The following HMCN1 variants were observed in gnomAD, a reference collection of about 807,000 sequenced individuals.
HMCN1 encodes hemicentin-1.
Under a neutral mutation model 625.9 loss-of-function variants are expected in HMCN1, and 321 were observed. The observed-to-expected ratio is 0.51, with a 90% confidence interval of 0.47 to 0.56. The LOEUF (loss-of-function observed/expected upper bound fraction) is 0.56. HMCN1 is among the 20% of genes least tolerant of loss of function. The pLI is 0.00. For synonymous variants in HMCN1, 2,425 were observed against 2,417.6 expected, an observed-to-expected ratio of 1.00 and a Z score of -0.09; for missense variants, 6,588 against 6,887.3, an observed-to-expected ratio of 0.96 and a Z score of 1.54.
chr1:186,098,447 A>G (rs983621285), intron 68 of HMCN1, among the ~76,000 whole-genome samples: 1 of 152,198 alleles, frequency 6.6e-6, no homozygotes, highest in East Asian at 1.9e-4. Flanking sequence ...AAGCCTCAAC[A>G]TTACTAATCA....
At chr1:185,871,799 G>A (rs1663637931) in intron 4 of HMCN1, among the ~76,000 whole-genome samples, 1 of 152,196 alleles carries the variant, frequency 6.6e-6, no homozygotes, top group Non-Finnish European at 1.5e-5. Context: ...GCCTCTTCCC[G>A]CTATTTTGGC....
chr1:185,791,057 A>C (rs1386678887), intron 1 of HMCN1, among the ~76,000 whole-genome samples: 1 of 152,072 alleles, frequency 6.6e-6, no homozygotes, highest in East Asian at 1.9e-4. Flanking sequence ...TGTACCTAAA[A>C]ATTTCCTACT....
In HMCN1 at chr1:185,995,102, A is replaced by C. The variant is rs770424077; in HGVS notation, c.3778+15A>C. On this transcript the variant is annotated intron_variant, in intron 24 of 106. Transcript: ENST00000271588. ...ACATGTCCAAGGTGATTCTTGACACAGGAAAATATATGTATGTAGGGTGGG... is the reference window on the plus strand; with the variant it reads ...ACATGTCCAAGGTGATTCTTGACACCGGAAAATATATGTATGTAGGGTGGG... The C allele has an allele frequency of 1.2e-6, 2 of 1,611,694 alleles. No homozygotes were observed. Among genetic ancestry groups the C allele is most frequent in the East Asian group, 4.5e-5 (2 of 44,848 alleles).
At chr1:186,156,517 G>A (rs1004707160) in intron 97 of HMCN1, among the ~76,000 whole-genome samples, 13 of 152,128 alleles carry the variant, frequency 8.5e-5, no homozygotes, top group Non-Finnish European at 1.9e-4. Context: ...GTATTACAGA[G>A]GTATGGGGAA....
intron 26 of HMCN1, 152 bp from the exon 27 acceptor site, chr1:186,001,146 T>A (rs994196257): frequency 1.5e-6 from 1 of 665,214 alleles, no homozygotes; most frequent in Non-Finnish European, 2.5e-6. Context: ...GTCAAAACTT[T>A]TTAATTTTAT....
rs551225100 is a variant in HMCN1 at position 186,040,418 on chromosome 1, A to G, written c.6180+539A>G. Reference sequence around the variant, plus strand: ...CAAAATTAAAAATATAGAAATGCGTATATACCTAATATAAAGTTTAATTTT... The same window carrying G: ...CAAAATTAAAAATATAGAAATGCGTGTATACCTAATATAAAGTTTAATTTT... On this transcript the variant is annotated intron_variant, in intron 39 of 106. Coordinates refer to ENST00000271588, the MANE Select transcript of HMCN1 (RefSeq NM_031935.3). Among the ~76,000 whole-genome samples the G allele has an allele frequency of 7.4e-4, 112 of 152,298 alleles. 2 individuals are homozygous for G. The highest frequency in any genetic ancestry group is 6.8e-3 in the Middle Eastern group (2 of 294).
chr1:186,018,034 C>T (rs547029142), intron 33 of HMCN1, 149 bp from the exon 34 acceptor site: 1 of 737,652 alleles, frequency 1.4e-6, no homozygotes, highest in Admixed American at 2.4e-5. Context: ...GGCCGGGTTT[C>T]CTTTTTGCTT....
chr1:185,893,141 G>A (rs1393021054), intron 4 of HMCN1, among the ~76,000 whole-genome samples: 1 of 152,232 alleles, frequency 6.6e-6, no homozygotes, highest in East Asian at 1.9e-4. Flanking sequence ...CACTTCCTGA[G>A]TGAGGCAATG....
chr1:186,087,924 T>A lies in HMCN1; in HGVS notation c.9364-8T>A. On this transcript the variant is annotated splice_region_variant and splice_polypyrimidine_tract_variant and intron_variant, in intron 60 of 106. Transcript: ENST00000271588. ...TGGAGCACATACAATAGTATCTTTTTCTTTTAGGTATCTGACACAGGCCAG... is the reference window on the plus strand; with the variant it reads ...TGGAGCACATACAATAGTATCTTTTACTTTTAGGTATCTGACACAGGCCAG... 6.2e-7 allele frequency: 1 copy of A among 1,609,474 alleles called. No individual in the cohort carries two copies. The highest frequency in any genetic ancestry group is 8.5e-7 in the Non-Finnish European group (1 of 1,176,138).
intron 4 of HMCN1, among the ~76,000 whole-genome samples, chr1:185,906,740 A>G (rs1430476531): frequency 6.6e-6 from 1 of 151,666 alleles, no homozygotes; most frequent in Non-Finnish European, 1.5e-5. Context: ...TCTTGCTGGT[A>G]CTTGTTTTCT....
intron 14 of HMCN1, among the ~76,000 whole-genome samples, chr1:185,967,669 T>C (rs1650512940): frequency 6.6e-6 from 1 of 151,156 alleles, no homozygotes; most frequent in African/African-American, 2.4e-5. Flanking sequence ...GAATGCAAAC[T>C]GGCCTCAAAA....
rs1658429835 is a variant in HMCN1 at position 186,070,754 on chromosome 1, A to G, written c.8136A>G (p.Gly2712=). ...PSASLSWYKD[G]QPLKSDDHVN... ...CCTCCCTCAGCTGGTACAAGGATGGACAGGCCAGTCACAACTTTTTTCATT... is the reference window on the plus strand; with the variant it reads ...CCTCCCTCAGCTGGTACAAGGATGGGCAGGCCAGTCACAACTTTTTTCATT... The change falls in exon 52 of 107, where the codon GGA becomes GGG. Residue 2712 remains glycine (G), a synonymous_variant. Coordinates refer to ENST00000271588, the MANE Select transcript of HMCN1 (RefSeq NM_031935.3). 6.2e-7 allele frequency: 1 copy of G among 1,613,698 alleles called. No individual in the cohort carries two copies. The highest frequency in any genetic ancestry group is 8.5e-7 in the Non-Finnish European group (1 of 1,179,782).
intron 11 of HMCN1, among the ~76,000 whole-genome samples, chr1:185,947,069 T>G (rs1668385792): frequency 1.3e-5 from 2 of 152,112 alleles, no homozygotes; most frequent in Non-Finnish European, 2.9e-5. Context: ...GCAGGGGTTG[T>G]GGGGGGCGGG....
At chr1:186,032,716 A>G (rs1379836655) in intron 36 of HMCN1, among the ~76,000 whole-genome samples, 1 of 152,026 alleles carries the variant, frequency 6.6e-6, no homozygotes, top group Non-Finnish European at 1.5e-5. Flanking sequence ...CAGCATGAGA[A>G]CGAACTAACA....
At chr1:185,909,568 T>C (rs1666300142) in intron 5 of HMCN1, 60 bp downstream of exon 5, 1 of 1,430,986 alleles carries the variant, frequency 7.0e-7, no homozygotes, top group Non-Finnish European at 9.8e-7. Flanking sequence ...AAAATACTTT[T>C]CACACACTTG....
chr1:185,895,875 T>C lies in HMCN1; in HGVS notation c.622-13462T>C, dbSNP rs79258961. 8.3e-3 allele frequency among the ~76,000 whole-genome samples: 1,258 copies of C among 152,312 alleles called. 14 individuals carry two copies. Among genetic ancestry groups the C allele is most frequent in the African/African-American group, 0.029 (1,195 of 41,550 alleles). ...AAGACACTGATTAATTCATAACTTA[T>C]AAATTGCCACATTTGGTTTGTTCCC... On this transcript the variant is annotated intron_variant, in intron 4 of 106. Transcript: ENST00000271588.
chr1:185,794,501 G>A (rs535178171), intron 1 of HMCN1, among the ~76,000 whole-genome samples: 12,306 of 144,916 alleles, frequency 0.085, 1,677 homozygotes, highest in African/African-American at 0.3. Context: ...GAAAAAAAAA[G>A]AAAAAAAAGA....
intron 4 of HMCN1, among the ~76,000 whole-genome samples, chr1:185,897,800 T>C (rs1266429164): frequency 6.6e-6 from 1 of 152,154 alleles, no homozygotes; most frequent in East Asian, 1.9e-4. Flanking sequence ...CTCTCTCCTA[T>C]TGTTAGCTAG....
At chr1:185,784,983 TTCAC>T (rs1557966867) in intron 1 of HMCN1, among the ~76,000 whole-genome samples, 1 of 152,240 alleles carries the variant, frequency 6.6e-6, no homozygotes, top group Admixed American at 6.5e-5. Flanking sequence ...CCTGACTTTT[TTCAC>T]TCACTTCAAT....
Sources: gnomAD v4.1 joint callset for allele counts (sites outside exome capture counted in the v4.1 genomes callset) on GRCh38, gnomAD v4.1.1 for gene constraint, MANE v1.5 for transcripts, NCBI Gene and HGNC (gene_info 2026-07-23, HGNC 2026-07-21) for gene names.